Variants in PLS1 observed in about 807,000 individuals in gnomAD.
The protein encoded by PLS1 is plastin-1.
PLS1 carries 32 observed loss-of-function variants against 73.7 expected under a neutral mutation model. The observed-to-expected ratio is 0.43, with a 90% CI of 0.33 to 0.58. PLS1 has a LOEUF of 0.58. Among genes scored for constraint, PLS1 ranks in the 20% least tolerant of loss-of-function variants. The pLI is 0.04. For missense variants in PLS1, 633 were observed against 740.5 expected (o/e 0.85, Z 1.68); for synonymous variants, 217 against 261.3 (o/e 0.83, Z 1.63).
Position 142,669,485 on chromosome 3 carries a change from G to T in PLS1, c.166G>T (p.Val56Leu). ...GCCTGGCTACAAGGTGCGCGAGATT[G>T]TGGAGAAAATTCTATCAGTTGCTGA... is the stretch of plus-strand genomic sequence containing the variant. ...PLPGYKVREI[V>L]EKILSVADSN... is the part of the protein sequence containing the mutation. Residue 56 changes from valine to leucine, a missense_variant, in exon 3 of 16, where the codon GTG becomes TTG. Coordinates refer to ENST00000457734, the MANE Select transcript of PLS1 (RefSeq NM_001145319.2). 6.2e-7 allele frequency: 1 copy of T among 1,613,744 alleles called. No homozygotes were observed. The highest frequency in any genetic ancestry group is 8.5e-7 in the Non-Finnish European group (1 of 1,179,694).
At chr3:142,648,574 C>G (rs919554472) in intron 1 of PLS1, among the ~76,000 whole-genome samples, 4 of 152,108 alleles carry the variant, frequency 2.6e-5, no homozygotes, top group African/African-American at 4.8e-5. Flanking sequence ...TTATTATGGT[C>G]AACTGGAACT....
At chr3:142,629,933 G>C (rs570508409) in intron 1 of PLS1, among the ~76,000 whole-genome samples, 2 of 152,258 alleles carry the variant, frequency 1.3e-5, no homozygotes, top group South Asian at 4.1e-4. Context: ...GACATTGCCA[G>C]ATGTCCTCTG....
chr3:142,610,494 T>C (rs2036101644), intron 1 of PLS1, among the ~76,000 whole-genome samples: 1 of 152,200 alleles, frequency 6.6e-6, no homozygotes, highest in African/African-American at 2.4e-5. Flanking sequence ...TATCTAAAAA[T>C]AAGCTTAAGG....
At chr3:142,689,842 G>C (rs375145847) in intron 10 of PLS1, 29 bp downstream of exon 10, 42 of 1,385,670 alleles carry the variant, frequency 3.0e-5, no homozygotes, top group Non-Finnish European at 4.0e-5. Flanking sequence ...TAATTGACTT[G>C]CTATATTTAT....
chr3:142,630,163 T>G (rs182547918), intron 1 of PLS1, among the ~76,000 whole-genome samples: 2 of 152,266 alleles, frequency 1.3e-5, no homozygotes, highest in East Asian at 3.9e-4. Context: ...GGCTCACACC[T>G]GTAATCCCAG....
intron 1 of PLS1, among the ~76,000 whole-genome samples, chr3:142,621,286 G>A (rs1257412194): frequency 6.6e-6 from 1 of 152,116 alleles, no homozygotes; most frequent in African/African-American, 2.4e-5. Flanking sequence ...GAAATTACTT[G>A]TAACAGAATG....
chr3:142,696,282 C>A (rs1376164365), intron 11 of PLS1, among the ~76,000 whole-genome samples: 1 of 152,122 alleles, frequency 6.6e-6, no homozygotes, highest in Non-Finnish European at 1.5e-5. Context: ...AAGAATTGAC[C>A]AAACCTTTTA....
chr3:142,642,571 G>A (rs1321854603), intron 1 of PLS1, among the ~76,000 whole-genome samples: 2 of 152,160 alleles, frequency 1.3e-5, no homozygotes, highest in Non-Finnish European at 2.9e-5. Flanking sequence ...CATCAGTGTG[G>A]TCTGTCAGTC....
intron 1 of PLS1, among the ~76,000 whole-genome samples, chr3:142,641,706 A>G (rs2036844856): frequency 6.6e-6 from 1 of 151,942 alleles, no homozygotes; most frequent in African/African-American, 2.4e-5. Context: ...GTCTTCCTAC[A>G]GAGCACTTCT....
intron 12 of PLS1, among the ~76,000 whole-genome samples, chr3:142,698,659 A>G (rs1311013720): frequency 6.6e-6 from 1 of 152,194 alleles, no homozygotes; most frequent in Non-Finnish European, 1.5e-5. Flanking sequence ...AATAATAGAA[A>G]TATGAAAAAC....
chr3:142,705,207 A>C (rs1024800490), intron 14 of PLS1, among the ~76,000 whole-genome samples: 4 of 152,228 alleles, frequency 2.6e-5, no homozygotes, highest in Non-Finnish European at 5.9e-5. Context: ...TCCAGTTATC[A>C]AATGAAAAAG....
intron 1 of PLS1, among the ~76,000 whole-genome samples, chr3:142,654,237 TTATA>T (rs1395903469): frequency 6.6e-6 from 1 of 152,164 alleles, no homozygotes; most frequent in African/African-American, 2.4e-5. Flanking sequence ...ATTTCTTTGT[TTATA>T]TATCTAGTGT....
chr3:142,676,000 A>C (rs1362110971), intron 4 of PLS1, among the ~76,000 whole-genome samples, 157 bp from the exon 5 acceptor site: 1 of 151,620 alleles, frequency 6.6e-6, no homozygotes, highest in African/African-American at 2.4e-5. Context: ...CTTTTCTTGA[A>C]CCCTTTTGTG....
chr3:142,609,426 T>A (rs1267528707), intron 1 of PLS1, among the ~76,000 whole-genome samples: 1 of 137,144 alleles, frequency 7.3e-6, no homozygotes, highest in African/African-American at 3.4e-5. Flanking sequence ...GGGAACTGGA[T>A]GATCACGTAC....
At chr3:142,651,339 G>A (rs994590657) in intron 1 of PLS1, among the ~76,000 whole-genome samples, 8 of 151,810 alleles carry the variant, frequency 5.3e-5, no homozygotes, top group Non-Finnish European at 1.0e-4. Flanking sequence ...ATGTGCACCT[G>A]TAATCTCAGC....
At chr3:142,640,339 G>C (rs1013066299) in intron 1 of PLS1, among the ~76,000 whole-genome samples, 3 of 152,194 alleles carry the variant, frequency 2.0e-5, no homozygotes, top group African/African-American at 7.2e-5. Flanking sequence ...CAACAACTAT[G>C]GATAAATAAT....
intron 9 of PLS1, among the ~76,000 whole-genome samples, chr3:142,687,806 C>T (rs1325421322): frequency 6.6e-6 from 1 of 152,022 alleles, no homozygotes; most frequent in Non-Finnish European, 1.5e-5. Context: ...CCTTATCATA[C>T]CTTAAAAAAA....
intron 14 of PLS1, among the ~76,000 whole-genome samples, chr3:142,708,372 G>C (rs923319786): frequency 6.6e-6 from 1 of 151,974 alleles, no homozygotes; most frequent in Non-Finnish European, 1.5e-5. Flanking sequence ...TCAGCCTCCC[G>C]AGTAGCTGGG....
At chr3:142,662,358 G>A (rs559984786) in intron 1 of PLS1, among the ~76,000 whole-genome samples, 1 of 152,226 alleles carries the variant, frequency 6.6e-6, no homozygotes, top group East Asian at 1.9e-4. Context: ...ATAAGTGGGA[G>A]TTGAACAATG....
Sources: allele counts gnomAD v4.1 joint callset (sites outside exome capture counted in the v4.1 genomes callset), GRCh38; gene constraint gnomAD v4.1.1; transcripts MANE v1.5; gene names NCBI Gene and HGNC (gene_info 2026-07-23, HGNC 2026-07-21).